Variants in MRAP2 observed in about 807,000 individuals in gnomAD.
The protein encoded by MRAP2 is melanocortin 2 receptor accessory protein 2.
A neutral mutation model predicts 17.4 loss-of-function variants in MRAP2; 20 were observed. That is an observed-to-expected ratio of 1.15 (90% CI 0.81 to 1.67). MRAP2 has a LOEUF of 1.67. Among genes scored for constraint, MRAP2 ranks in the 40% most tolerant of loss-of-function variants. The pLI is 0.00. For synonymous variants in MRAP2, 96 were observed against 88.4 expected (o/e 1.09, Z -0.48); for missense variants, 238 against 240.0 (o/e 0.99, Z 0.05).
chr6:84,145,887 T>C, the MRAP2 span, among the ~76,000 whole-genome samples: 1 of 152,150 alleles, frequency 6.6e-6, no homozygotes, highest in Admixed American at 6.6e-5. Flanking sequence ...ATTCAGAAAT[T>C]AGTATACAGA....
the MRAP2 span, among the ~76,000 whole-genome samples, chr6:84,117,921 A>G: frequency 6.6e-6 from 1 of 152,098 alleles, no homozygotes; most frequent in East Asian, 1.9e-4. Flanking sequence ...TGGCTGGAGA[A>G]CCCTATTGGA....
At chr6:84,081,702 C>G (rs866868315) in intron 3 of MRAP2, among the ~76,000 whole-genome samples, 1 of 152,170 alleles carries the variant, frequency 6.6e-6, no homozygotes, top group Non-Finnish European at 1.5e-5. Context: ...GCTTGTAATC[C>G]TAGTTACTTG....
At chr6:84,058,709 T>C (rs2099492311) in intron 2 of MRAP2, among the ~76,000 whole-genome samples, 1 of 152,098 alleles carries the variant, frequency 6.6e-6, no homozygotes, top group South Asian at 2.1e-4. Flanking sequence ...GAGGGTTGCA[T>C]AGCAGCATAG....
chr6:84,033,730 G>C, upstream of MRAP2: 1 of 985,320 alleles, frequency 1.0e-6, no homozygotes, highest in Non-Finnish European at 1.2e-6. Flanking sequence ...TCCGCTGCGG[G>C]TCGGGAGCGC....
In MRAP2 at chr6:84,089,609, G is replaced by T; in HGVS notation, c.*128G>T. 1 of 1,083,386 alleles carries T rather than the reference G, an allele frequency of 9.2e-7. No homozygotes were observed. Among genetic ancestry groups the T allele is most frequent in the Non-Finnish European group, 1.3e-6 (1 of 758,492 alleles). 67.1% of individuals were successfully genotyped at this position (1,083,386 alleles called of 1,614,324 possible). A position where few individuals can be genotyped will look rare whatever the true frequency, so the allele number is the denominator to read the frequency against. On this transcript the variant is annotated 3_prime_UTR_variant, in exon 4 of 4. Transcript: ENST00000257776. The stretch of plus-strand genomic sequence containing the variant: ...ACATAGAGATAGAGACAGAGAGGCA[G>T]AGAAGAGACCCCTTTAGAAGAGAGC...
chr6:84,060,479 A>G (rs1434580074), intron 2 of MRAP2, among the ~76,000 whole-genome samples: 1 of 152,204 alleles, frequency 6.6e-6, no homozygotes, highest in Non-Finnish European at 1.5e-5. Flanking sequence ...AATCAACATG[A>G]TTCAATTCTA....
the MRAP2 span, among the ~76,000 whole-genome samples, chr6:84,115,565 C>T: frequency 6.6e-6 from 1 of 152,070 alleles, no homozygotes. Flanking sequence ...GCTTCAGCCC[C>T]CTTTCTAGGG....
chr6:84,103,419 G>T, the MRAP2 span, among the ~76,000 whole-genome samples: 1 of 150,942 alleles, frequency 6.6e-6, no homozygotes, highest in African/African-American at 2.5e-5. Flanking sequence ...CAAATCAGGG[G>T]GTGAGCACCT....
chr6:84,120,038 G>GAA, the MRAP2 span, among the ~76,000 whole-genome samples: 3 of 152,198 alleles, frequency 2.0e-5, no homozygotes, highest in Non-Finnish European at 2.9e-5. Flanking sequence ...CTGGAGAAAT[G>GAA]AAAGCCAGAG....
chr6:84,061,322 C>T lies in MRAP2; in HGVS notation c.128-1571C>T, dbSNP rs1004361781. On this transcript the variant is annotated intron_variant, in intron 2 of 3. Transcript: ENST00000257776. ...CATCCTCATTGTATTTCCACATAGA[C>T]AAGCTTCTTAGTGTAGGCCAAAAAA... Among the ~76,000 whole-genome samples, 4 of 152,268 alleles carry T rather than the reference C, an allele frequency of 2.6e-5. No individual in the cohort carries two copies. The South Asian group carries it at 8.3e-4, about 32-fold the overall frequency.
chr6:84,053,600 G>A (rs2099490985), intron 1 of MRAP2, among the ~76,000 whole-genome samples: 1 of 152,220 alleles, frequency 6.6e-6, no homozygotes, highest in Admixed American at 6.5e-5. Context: ...AGGGAGTTGG[G>A]TGTGTCTGAA....
At position 84,033,810 on chromosome 6, in the gene MRAP2, G is replaced by GCGT; in HGVS notation, c.-79_-78insTCG. ...TGGGCGGTGGGAGGCGGCGGCGGCG[G>GCGT]CGGCGCTCGCGCACCTCGGAGGAGC... On this transcript the variant is annotated 5_prime_UTR_variant, in exon 1 of 4. Transcript: ENST00000257776. 1 of 986,788 alleles carries GCGT rather than the reference G, an allele frequency of 1.0e-6. No homozygotes were observed. Among genetic ancestry groups the GCGT allele is most frequent in the Non-Finnish European group, 1.2e-6 (1 of 831,274 alleles). 61.1% of individuals were successfully genotyped at this position (986,788 alleles called of 1,614,324 possible). A position where few individuals can be genotyped will look rare whatever the true frequency, so the allele number is the denominator to read the frequency against.
At chr6:84,110,741 A>C in the MRAP2 span, among the ~76,000 whole-genome samples, 867 of 152,278 alleles carry the variant, frequency 5.7e-3, 12 homozygotes, top group African/African-American at 0.019. Flanking sequence ...TAGGTCTTAC[A>C]TTTAAGTCTG....
intron 3 of MRAP2, among the ~76,000 whole-genome samples, chr6:84,069,229 G>A (rs530710023): frequency 1.3e-5 from 2 of 152,198 alleles, no homozygotes; most frequent in African/African-American, 4.8e-5. Flanking sequence ...TATGTTGGCT[G>A]TGGGTTTGTC....
Position 84,033,877 on chromosome 6 carries a change from C to G in MRAP2, c.-14C>G, listed in dbSNP as rs866279434. On this transcript the variant is annotated 5_prime_UTR_variant, in exon 1 of 4. Transcript: ENST00000257776. Reference sequence around the variant, plus strand: ...GGCCGAGCCCGCGGGCCGGGGCTAGCCAGCCGGTAACCACGGGCGGGACAG... The same window carrying G: ...GGCCGAGCCCGCGGGCCGGGGCTAGGCAGCCGGTAACCACGGGCGGGACAG... The G allele has an allele frequency of 1.0e-6, 1 of 986,490 alleles. No homozygotes were observed. The highest frequency in any genetic ancestry group is 5.2e-4 in the Middle Eastern group (1 of 1,918). 61.1% of individuals were successfully genotyped at this position (986,490 alleles called of 1,614,324 possible).
intron 1 of MRAP2, among the ~76,000 whole-genome samples, chr6:84,040,735 C>T (rs973948758): frequency 6.6e-6 from 1 of 152,164 alleles, no homozygotes; most frequent in Non-Finnish European, 1.5e-5. Context: ...ACATTTTACC[C>T]TGCCCTAGAG....
chr6:84,105,830 T>C, the MRAP2 span, among the ~76,000 whole-genome samples: 1 of 152,158 alleles, frequency 6.6e-6, no homozygotes, highest in Non-Finnish European at 1.5e-5. Flanking sequence ...TTTTATCTCT[T>C]GGTGGAAGTA....
chr6:84,142,031 T>C, the MRAP2 span, among the ~76,000 whole-genome samples: 1 of 152,140 alleles, frequency 6.6e-6, no homozygotes, highest in Non-Finnish European at 1.5e-5. Flanking sequence ...TTCAAGGAGT[T>C]AACTAAAACA....
At chr6:84,133,093 C>A in the MRAP2 span, among the ~76,000 whole-genome samples, 2 of 152,200 alleles carry the variant, frequency 1.3e-5, no homozygotes, top group Middle Eastern at 3.2e-3. Context: ...GGACCCTCAG[C>A]TGCAGGTCTG....
Sources: gnomAD v4.1 joint callset for allele counts (sites outside exome capture counted in the v4.1 genomes callset) on GRCh38, gnomAD v4.1.1 for gene constraint, MANE v1.5 for transcripts, NCBI Gene and HGNC (gene_info 2026-07-23, HGNC 2026-07-21) for gene names.